Variants in MTR observed in about 807,000 individuals in gnomAD.
MTR encodes the protein 5-methyltetrahydrofolate-homocysteine methyltransferase, also known as methionine synthase.
A neutral mutation model predicts 154.8 loss-of-function variants in MTR; 84 were observed. That is an observed-to-expected ratio of 0.54 (90% CI 0.45 to 0.65). The LOEUF is 0.65. MTR is among the 30% of genes least tolerant of loss of function. The probability of loss-of-function intolerance (pLI) is 0.00; values close to 1 mark genes in which losing one functional copy is unlikely to be tolerated. For synonymous variants in MTR, 554 were observed against 553.9 expected (o/e 1.00, Z 0.00); for missense variants, 1,275 against 1,570.2 (o/e 0.81, Z 3.18).
At chr1:236,847,858 T>TTTTG (rs1663673402) in intron 15 of MTR, among the ~76,000 whole-genome samples, 1 of 152,228 alleles carries the variant, frequency 6.6e-6, no homozygotes, top group African/African-American at 2.4e-5. Flanking sequence ...GTTGTTTTAC[T>TTTTG]GAACTTCTAT....
intron 13 of MTR, 67 bp downstream of exon 13, chr1:236,832,145 A>G (rs1357252246): frequency 8.2e-7 from 1 of 1,221,822 alleles, no homozygotes; most frequent in Non-Finnish European, 1.2e-6. Context: ...TGTAAATGAA[A>G]CAGCTCTCTG....
intron 15 of MTR, among the ~76,000 whole-genome samples, chr1:236,849,220 G>C (rs4659730): frequency 0.16 from 23,661 of 152,150 alleles, 1,942 homozygotes; most frequent in South Asian, 0.19. Flanking sequence ...AGTAAAAGCA[G>C]CATTCATACA....
intron 6 of MTR, among the ~76,000 whole-genome samples, chr1:236,813,271 G>A (rs985996935): frequency 7.2e-5 from 11 of 152,180 alleles, no homozygotes; most frequent in African/African-American, 2.2e-4. Context: ...ATATAGGCAT[G>A]TGTGTATGTG....
At chr1:236,813,522 C>T (rs551777887) in intron 6 of MTR, among the ~76,000 whole-genome samples, 6 of 152,292 alleles carry the variant, frequency 3.9e-5, no homozygotes, top group Non-Finnish European at 7.4e-5. Flanking sequence ...CCTGGTTTCA[C>T]GACACCCTCA....
At position 236,808,735 on chromosome 1, in the gene MTR, T is replaced by A; in HGVS notation, c.371T>A (p.Val124Glu). Residue 124 changes from valine to glutamate, a missense_variant, in exon 4 of 33, where the codon GTG becomes GAG. Physicochemically the swap from Val to Glu is moderately radical, Grantham distance 121. Transcript: ENST00000366577. ...CGGATGAACATGTGCTCTGCAGGAG[T>A]GGCCAGAAAAGCTGCCGAGGAGGTA... ...AYRMNMCSAG[V>E]ARKAAEEVTL... 6.2e-7 allele frequency: 1 copy of A among 1,614,152 alleles called. No individual in the cohort carries two copies. The highest frequency in any genetic ancestry group is 1.3e-5 in the African/African-American group (1 of 75,052).
intron 5 of MTR, among the ~76,000 whole-genome samples, chr1:236,811,163 A>G (rs926691552): frequency 1.1e-4 from 17 of 152,312 alleles, no homozygotes; most frequent in East Asian, 1.9e-4. Context: ...GAAAGCTTGT[A>G]CAGGGAAACT....
rs1250726404 is a variant in MTR, at chr1:236,838,661, ATGCAAGTC to A, written c.1515+65_1515+72del. 22 of 1,589,048 alleles carry A rather than the reference ATGCAAGTC, an allele frequency of 1.4e-5. No homozygotes were observed. In the African/African-American group the frequency reaches 2.6e-4, roughly 18 times the overall value. ...CCAGGTTAGATAGTGGTGGGAGAAA[ATGCAAGTC>A]TGAAACAGCTACATATATACATACA... On this transcript the variant is annotated intron_variant, in intron 15 of 32. Coordinates refer to ENST00000366577, the MANE Select transcript of MTR (RefSeq NM_000254.3).
At chr1:236,812,453 G>A (rs1028840502) in intron 5 of MTR, among the ~76,000 whole-genome samples, 2 of 152,212 alleles carry the variant, frequency 1.3e-5, no homozygotes, top group African/African-American at 4.8e-5. Context: ...TGAATGGGGG[G>A]TACATGTTCA....
At chr1:236,810,664 C>G (rs1044246192) in intron 5 of MTR, 69 bp downstream of exon 5, 2 of 1,308,492 alleles carry the variant, frequency 1.5e-6, no homozygotes, top group African/African-American at 2.9e-5. Context: ...AGCTATAAAT[C>G]TGTAAAATGG....
At chr1:236,808,567 A>G (rs931245077) in intron 3 of MTR, 137 bp from the exon 4 acceptor site, 21 of 873,984 alleles carry the variant, frequency 2.4e-5, no homozygotes, top group Non-Finnish European at 3.8e-5. Flanking sequence ...TGCTTGGCTA[A>G]GATTTCACTC....
intron 31 of MTR, 40 bp downstream of exon 31, chr1:236,895,590 C>G (rs1184887778): frequency 6.5e-7 from 1 of 1,545,412 alleles, no homozygotes; most frequent in Non-Finnish European, 8.8e-7. Context: ...CTTCCTTCTT[C>G]AGTAGATACT....
intron 5 of MTR, 111 bp downstream of exon 5, chr1:236,810,706 G>A: frequency 1.1e-6 from 1 of 909,480 alleles, no homozygotes; most frequent in Non-Finnish European, 1.8e-6. Flanking sequence ...TAGAGTTACT[G>A]TGATTTAATC....
In MTR at chr1:236,863,471, C is replaced by A; in HGVS notation, c.2322C>A (p.Thr774=). 6.2e-7 allele frequency: 1 copy of A among 1,613,938 alleles called. No individual in the cohort carries two copies. Among genetic ancestry groups the A allele is most frequent in the Non-Finnish European group, 8.5e-7 (1 of 1,179,932 alleles). The stretch of plus-strand genomic sequence containing the variant: ...CTTTCCAGGACCCTTACCAGGGCAC[C>A]ATCGTGCTGGCCACTGTTAAAGGCG... ...TVEEEDPYQG[T]IVLATVKGDV... The change falls in exon 22 of 33, where the codon ACC becomes ACA. Residue 774 remains threonine (T), a synonymous_variant. Transcript: ENST00000366577.
At position 236,867,230 on chromosome 1, in the gene MTR, G is replaced by A. The variant is rs1030337221; in HGVS notation, c.2405+3676G>A. ...CTGATGACTGTCAGTTGAAGCCAGT[G>A]CGCATTTGCCATTCTGAAAATTCTA... On this transcript the variant is annotated intron_variant, in intron 22 of 32. Coordinates refer to ENST00000366577, the MANE Select transcript of MTR (RefSeq NM_000254.3). Among the ~76,000 whole-genome samples, 10 of 152,166 alleles carry A rather than the reference G, an allele frequency of 6.6e-5. No homozygotes were observed. In the East Asian group the frequency reaches 1.5e-3, roughly 23 times the overall value.
chr1:236,797,111 T>C (rs966956391), intron 1 of MTR, among the ~76,000 whole-genome samples: 3 of 152,170 alleles, frequency 2.0e-5, no homozygotes, highest in African/African-American at 7.2e-5. Flanking sequence ...AGTTGAGCAC[T>C]GAGTGGAGTT....
rs1350268618 is a variant in MTR at position 236,862,216 on chromosome 1, A to G, written c.2197-20A>G. ...TCCTGTGGTTTGGGAAAGATACCTG[A>G]TCTATGCTTTTTTTCTCAGGTTATA... On this transcript the variant is annotated intron_variant, in intron 20 of 32. Coordinates refer to ENST00000366577, the MANE Select transcript of MTR (RefSeq NM_000254.3). The G allele has an allele frequency of 6.3e-7, 1 of 1,597,688 alleles. No individual in the cohort carries two copies. The highest frequency in any genetic ancestry group is 8.6e-7 in the Non-Finnish European group (1 of 1,165,212).
chr1:236,890,567 A>T (rs909310104), intron 28 of MTR, among the ~76,000 whole-genome samples: 1 of 152,058 alleles, frequency 6.6e-6, no homozygotes, highest in Non-Finnish European at 1.5e-5. Flanking sequence ...TACAGTGAGG[A>T]TTTACCGAGT....
rs1660972055 is a variant in MTR, at chr1:236,806,155, G to A, written c.261G>A (p.Leu87=). ...VIYQIHKEYL[L]AGADIIETNT... ...ATCTCTTGTTGCAGGAATACTTGCT[G>A]GCTGGGGCAGATATCATTGAAACAA... Residue 87 remains leucine, a synonymous_variant, in exon 3 of 33, where the codon CTG becomes CTA. Transcript: ENST00000366577. The A allele has an allele frequency of 1.2e-6, 2 of 1,614,006 alleles. No homozygotes were observed. Among genetic ancestry groups the A allele is most frequent in the African/African-American group, 1.3e-5 (1 of 75,046 alleles).
chr1:236,828,498 G>A (rs1383139703), intron 11 of MTR, among the ~76,000 whole-genome samples: 1 of 151,918 alleles, frequency 6.6e-6, no homozygotes, highest in African/African-American at 2.4e-5. Context: ...TCTAATTTGG[G>A]GACAGTAGAG....
Sources: allele counts gnomAD v4.1 joint callset (sites outside exome capture counted in the v4.1 genomes callset), GRCh38; gene constraint gnomAD v4.1.1; transcripts MANE v1.5; gene names NCBI Gene and HGNC (gene_info 2026-07-23, HGNC 2026-07-21).